The following LYPD6B variants were observed in gnomAD, a reference collection of about 807,000 sequenced individuals.
LYPD6B encodes ly6/PLAUR domain-containing protein 6B.
LYPD6B carries 17 observed loss-of-function variants against 22.8 expected under a neutral mutation model. That is an observed-to-expected ratio of 0.75 (90% CI 0.51 to 1.12). LYPD6B has a LOEUF of 1.12. LYPD6B is among the 50% of genes most tolerant of loss of function. The pLI is 0.00. For missense variants in LYPD6B, 221 were observed against 258.3 expected (o/e 0.86, Z 0.99); for synonymous variants, 106 against 91.6 (o/e 1.16, Z -0.90).
chr2:149,097,615 T>C (rs1685966333), intron 1 of LYPD6B, among the ~76,000 whole-genome samples: 1 of 152,220 alleles, frequency 6.6e-6, no homozygotes, highest in African/African-American at 2.4e-5. Context: ...CCCTAGCCTG[T>C]AACACGTTCC....
chr2:149,059,339 A>G (rs939766070), intron 1 of LYPD6B, among the ~76,000 whole-genome samples: 8 of 152,210 alleles, frequency 5.3e-5, no homozygotes, highest in Non-Finnish European at 1.2e-4. Flanking sequence ...TTGCGTTGCC[A>G]GGAATGAATG....
intron 5 of LYPD6B, among the ~76,000 whole-genome samples, chr2:149,211,890 A>G (rs1347721380): frequency 2.0e-5 from 3 of 151,392 alleles, no homozygotes; most frequent in African/African-American, 7.4e-5. Context: ...ATAAAATGTG[A>G]GTGGTTAAAA....
intron 1 of LYPD6B, among the ~76,000 whole-genome samples, chr2:149,085,664 G>T (rs1685354268): frequency 6.6e-6 from 1 of 152,184 alleles, no homozygotes; most frequent in African/African-American, 2.4e-5. Flanking sequence ...TTCTCTTTAA[G>T]AATCAACATT....
At chr2:149,143,323 T>G (rs527959094) in intron 2 of LYPD6B, among the ~76,000 whole-genome samples, 25 of 124,492 alleles carry the variant, frequency 2.0e-4, no homozygotes, top group Non-Finnish European at 4.1e-4. Flanking sequence ...GTATGTAAAT[T>G]TTGGTTCCAA....
intron 2 of LYPD6B, among the ~76,000 whole-genome samples, chr2:149,149,528 T>C (rs1689236054): frequency 6.6e-6 from 1 of 152,184 alleles, no homozygotes; most frequent in Admixed American, 6.5e-5. Flanking sequence ...AAATTACTAC[T>C]GAATGCAAAT....
chr2:149,090,063 A>G (rs1240640571), intron 1 of LYPD6B, among the ~76,000 whole-genome samples: 1 of 152,128 alleles, frequency 6.6e-6, no homozygotes, highest in African/African-American at 2.4e-5. Context: ...ATGGCTCTGC[A>G]TTGATTTCTG....
At chr2:149,171,625 G>C (rs145572237) in intron 3 of LYPD6B, among the ~76,000 whole-genome samples, 1 of 151,930 alleles carries the variant, frequency 6.6e-6, no homozygotes, top group Non-Finnish European at 1.5e-5. Flanking sequence ...ATATGGAAAG[G>C]GGGACTCAAG....
intron 1 of LYPD6B, among the ~76,000 whole-genome samples, chr2:149,080,424 A>G (rs1574930226): frequency 6.6e-6 from 1 of 152,214 alleles, no homozygotes; most frequent in African/African-American, 2.4e-5. Context: ...TAACATGTAC[A>G]TTTTGTGGGG....
At chr2:149,076,539 G>GAA (rs1403963585) in intron 1 of LYPD6B, among the ~76,000 whole-genome samples, 1 of 152,104 alleles carries the variant, frequency 6.6e-6, no homozygotes, top group Non-Finnish European at 1.5e-5. Flanking sequence ...TGAGTTATTT[G>GAA]TCTAACAAGA....
At chr2:149,091,373 G>A (rs938407169) in intron 1 of LYPD6B, among the ~76,000 whole-genome samples, 2 of 150,246 alleles carry the variant, frequency 1.3e-5, no homozygotes, top group Non-Finnish European at 3.0e-5. Context: ...TATTTATATA[G>A]AATACATATA....
At position 149,131,013 on chromosome 2, in the gene LYPD6B, T is replaced by C. The variant is rs370210089; in HGVS notation, c.5+60T>C. 5.5e-5 allele frequency: 66 copies of C among 1,200,180 alleles called. No homozygotes were observed. In the African/African-American group the frequency reaches 7.2e-4, roughly 13 times the overall value. The allele number at this position is 1,200,180 out of a possible 1,614,324, so 74.3% of individuals were successfully genotyped here. ...ATATTTTTATTTAACTATAAATGCTTACCACATGAGCTACTCATGCTTCGC... is the reference window on the plus strand; with the variant it reads ...ATATTTTTATTTAACTATAAATGCTCACCACATGAGCTACTCATGCTTCGC... On this transcript the variant is annotated intron_variant, in intron 2 of 6. Coordinates refer to ENST00000409642, the MANE Select transcript of LYPD6B (RefSeq NM_177964.5).
At chr2:149,115,622 A>C (rs1286370945) in intron 1 of LYPD6B, among the ~76,000 whole-genome samples, 1 of 152,194 alleles carries the variant, frequency 6.6e-6, no homozygotes, top group Admixed American at 6.5e-5. Flanking sequence ...GTGATTGTGG[A>C]AATGTTTAGA....
At chr2:149,084,446 A>G (rs1330070925) in intron 1 of LYPD6B, among the ~76,000 whole-genome samples, 1 of 152,158 alleles carries the variant, frequency 6.6e-6, no homozygotes, top group Non-Finnish European at 1.5e-5. Flanking sequence ...TTGTCCTTCA[A>G]ATTGAGCCCC....
At chr2:149,136,983 T>G (rs1321786690) in intron 2 of LYPD6B, among the ~76,000 whole-genome samples, 1 of 152,148 alleles carries the variant, frequency 6.6e-6, no homozygotes, top group African/African-American at 2.4e-5. Flanking sequence ...CATTTAAATG[T>G]TTTGGATGGA....
intron 1 of LYPD6B, among the ~76,000 whole-genome samples, chr2:149,125,740 G>T (rs1268338138): frequency 1.3e-5 from 2 of 152,086 alleles, no homozygotes; most frequent in Non-Finnish European, 2.9e-5. Context: ...TACCATCACA[G>T]TGTAAATATT....
chr2:149,053,068 A>G (rs1207684952), intron 1 of LYPD6B, among the ~76,000 whole-genome samples: 1 of 152,204 alleles, frequency 6.6e-6, no homozygotes, highest in African/African-American at 2.4e-5. Context: ...ATTCTAATTA[A>G]TTTGTATTTA....
At chr2:149,107,447 T>C (rs902346132) in intron 1 of LYPD6B, among the ~76,000 whole-genome samples, 2 of 152,172 alleles carry the variant, frequency 1.3e-5, no homozygotes, top group African/African-American at 4.8e-5. Context: ...TGACCACGAG[T>C]AACTGAAACT....
intron 2 of LYPD6B, 58 bp downstream of exon 2, chr2:149,131,011 C>CTTA (rs1485521123): frequency 4.1e-6 from 5 of 1,216,164 alleles, no homozygotes; most frequent in Non-Finnish European, 4.9e-6. Context: ...ACTATAAATG[C>CTTA]TTACCACATG....
intron 1 of LYPD6B, among the ~76,000 whole-genome samples, chr2:149,060,914 C>T (rs1166608773): frequency 6.6e-6 from 1 of 152,180 alleles, no homozygotes; most frequent in Non-Finnish European, 1.5e-5. Flanking sequence ...TCGACACCCA[C>T]CTTGGGCATG....
Sources: gnomAD v4.1 joint callset for allele counts (sites outside exome capture counted in the v4.1 genomes callset) on GRCh38, gnomAD v4.1.1 for gene constraint, MANE v1.5 for transcripts, NCBI Gene and HGNC (gene_info 2026-07-23, HGNC 2026-07-21) for gene names.